UGT1A9: variants seen among roughly 807,000 people sequenced by gnomAD.
UGT1A9 encodes the protein UDP glucuronosyltransferase family 1 member A9, also known as UDP-glucuronosyltransferase 1A9.
In UGT1A9, 35 loss-of-function variants were observed where a neutral mutation model predicts 45.0. The ratio of observed to expected loss-of-function variants is 0.78; its 90% CI spans 0.59 to 1.03. The LOEUF (loss-of-function observed/expected upper bound fraction) is 1.03, where lower values mean the gene tolerates loss of function less well. UGT1A9 is among the 50% of genes least tolerant of loss of function. The probability of loss-of-function intolerance (pLI) is 0.00; values close to 1 mark genes in which losing one functional copy is unlikely to be tolerated. For synonymous variants in UGT1A9, 278 were observed against 250.6 expected (o/e 1.11, Z -1.03); for missense variants, 687 against 666.6 (o/e 1.03, Z -0.34).
Position 233,672,340 on chromosome 2 carries a change from T to C in UGT1A9, c.406T>C (p.Tyr136His). 2 of 1,614,168 alleles carry C rather than the reference T, an allele frequency of 1.2e-6. No individual in the cohort carries two copies. The highest frequency in any genetic ancestry group is 1.7e-6 in the Non-Finnish European group (2 of 1,180,006). Residue 136 changes from tyrosine (Y) to histidine (H), a missense_variant, in exon 1 of 5, where the codon TAC becomes CAC. By Grantham distance (83) the Tyr-to-His change is moderately conservative. Coordinates refer to ENST00000354728, the MANE Select transcript of UGT1A9 (RefSeq NM_021027.3). ...GTTTAAAGACAAAAAATTAGTAGAA[T>C]ACTTAAAGGAGAGTTCTTTTGATGC... The part of the protein sequence containing the change: ...SLFKDKKLVE[Y>H]LKESSFDAVF...
intron 1 of UGT1A9, among the ~76,000 whole-genome samples, chr2:233,764,833 G>C (rs1171416505): frequency 3.9e-5 from 6 of 151,966 alleles, no homozygotes; most frequent in African/African-American, 1.2e-4. Flanking sequence ...TGGTGGTGGG[G>C]AGGATGACTC....
At chr2:233,683,675 C>A (rs2074645965) in intron 1 of UGT1A9, among the ~76,000 whole-genome samples, 1 of 152,072 alleles carries the variant, frequency 6.6e-6, no homozygotes, top group Admixed American at 6.5e-5. Flanking sequence ...TTCTTATTAA[C>A]CTTTATTCCT....
chr2:233,745,241 G>A (rs1693049313), intron 1 of UGT1A9, among the ~76,000 whole-genome samples: 1 of 151,840 alleles, frequency 6.6e-6, no homozygotes, highest in African/African-American at 2.4e-5. Flanking sequence ...ACTATTTACT[G>A]TATCGAAACC....
chr2:233,728,121 T>C (rs1274585713), intron 1 of UGT1A9, among the ~76,000 whole-genome samples: 1 of 152,216 alleles, frequency 6.6e-6, no homozygotes, highest in East Asian at 1.9e-4. Flanking sequence ...ATCTTGAAAT[T>C]TGGACTAGGG....
At position 233,772,309 on chromosome 2, in the gene UGT1A9, CGGTG is replaced by C. The variant is rs768601491; in HGVS notation, c.1345_1348del (p.Val449SerfsTer13). On this transcript the variant is annotated frameshift_variant, in exon 5 of 5. Transcript: ENST00000354728. LOFTEE classifies it high-confidence loss of function. ...CTCTCCAGCCTTCACAAGGACCGCCCGGTGGAGCCGCTGGACCTGGCCGTGTTCT... is the reference window on the plus strand; with the variant it reads ...CTCTCCAGCCTTCACAAGGACCGCCCGAGCCGCTGGACCTGGCCGTGTTCT... 1.9e-6 allele frequency: 3 copies of C among 1,614,206 alleles called. No individual in the cohort carries two copies. The highest frequency in any genetic ancestry group is 2.5e-6 in the Non-Finnish European group (3 of 1,180,052).
intron 1 of UGT1A9, among the ~76,000 whole-genome samples, chr2:233,685,636 G>A (rs931333739): frequency 3.3e-5 from 5 of 152,138 alleles, no homozygotes; most frequent in Non-Finnish European, 4.4e-5. Context: ...CAAAGTTTTC[G>A]AACATATACC....
At chr2:233,771,833 T>G (rs1411315562) in intron 4 of UGT1A9, among the ~76,000 whole-genome samples, 1 of 137,650 alleles carries the variant, frequency 7.3e-6, no homozygotes, top group Non-Finnish European at 1.6e-5. Flanking sequence ...CCTTCCCTCC[T>G]TCTCTTCCTT....
chr2:233,769,543 G>A lies in UGT1A9; in HGVS notation c.1295+1104G>A, dbSNP rs750789040. The A allele has an allele frequency of 1.2e-6, 2 of 1,612,968 alleles. No individual in the cohort carries two copies. The highest frequency in any genetic ancestry group is 1.7e-6 in the Non-Finnish European group (2 of 1,179,890). On this transcript the variant is annotated intron_variant, in intron 4 of 4. Transcript: ENST00000354728. The surrounding 1 kb of genome is among the most constrained non-coding windows in gnomAD (Gnocchi z 4.4). The stretch of plus-strand genomic sequence containing the variant: ...TTACCTCCTTTAGAAAGAAGCAGCA[G>A]TCAGGAAGACAGATGTGAAGAGCTG...
chr2:233,755,783 C>G (rs142854795), intron 1 of UGT1A9: 1,687 of 152,656 alleles, frequency 0.011, 25 homozygotes, highest in Non-Finnish European at 0.017. Flanking sequence ...TTATGCCTAT[C>G]ATATGTACTG....
intron 1 of UGT1A9, chr2:233,690,956 C>A (rs1575444725): frequency 4.0e-6 from 4 of 1,008,150 alleles, no homozygotes; most frequent in African/African-American, 3.5e-5. Flanking sequence ...TCTGTAGGGA[C>A]TTCTGGGACT....
chr2:233,728,301 G>T (rs1339327162), intron 1 of UGT1A9, among the ~76,000 whole-genome samples: 6 of 152,216 alleles, frequency 3.9e-5, no homozygotes, highest in Non-Finnish European at 8.8e-5. Context: ...AATTCAGACT[G>T]TGCAAGATCT....
chr2:233,744,852 T>C (rs17864703), intron 1 of UGT1A9, among the ~76,000 whole-genome samples: 15 of 152,070 alleles, frequency 9.9e-5, no homozygotes, highest in Non-Finnish European at 1.3e-4. Flanking sequence ...AGAGTAGTCC[T>C]TGGTATTCTG....
At chr2:233,734,900 C>T (rs1027588472) in intron 1 of UGT1A9, among the ~76,000 whole-genome samples, 1 of 152,158 alleles carries the variant, frequency 6.6e-6, no homozygotes, top group Admixed American at 6.5e-5. Flanking sequence ...GATTTCTATT[C>T]TTTTACATTT....
intron 1 of UGT1A9, among the ~76,000 whole-genome samples, chr2:233,688,855 T>C (rs748777417): frequency 1.3e-5 from 2 of 152,044 alleles, no homozygotes; most frequent in African/African-American, 4.8e-5. Context: ...GAGCTGATCA[T>C]AGGGGGCCTT....
chr2:233,731,351 A>G (rs2078148084), intron 1 of UGT1A9, among the ~76,000 whole-genome samples: 1 of 151,002 alleles, frequency 6.6e-6, no homozygotes, highest in African/African-American at 2.4e-5. Flanking sequence ...TTTGATACAT[A>G]GGTATACATG....
intron 1 of UGT1A9, chr2:233,718,636 G>T: frequency 6.8e-7 from 1 of 1,465,760 alleles, no homozygotes; most frequent in Non-Finnish European, 9.1e-7. Context: ...CTTTCCCAGG[G>T]TTGGGCCCAT....
At chr2:233,726,844 C>T (rs1432960908) in intron 1 of UGT1A9, among the ~76,000 whole-genome samples, 1 of 152,154 alleles carries the variant, frequency 6.6e-6, no homozygotes, top group Admixed American at 6.5e-5. Flanking sequence ...AATTTTTGTT[C>T]CTTTTCTCCA....
intron 4 of UGT1A9, chr2:233,771,560 G>A (rs1700329109): frequency 6.6e-6 from 1 of 152,164 alleles, no homozygotes; most frequent in South Asian, 2.1e-4. Flanking sequence ...TGTTAATTTG[G>A]CCAGAGGTGG....
At chr2:233,760,776 C>G in intron 1 of UGT1A9, 1 of 1,613,940 alleles carries the variant, frequency 6.2e-7, no homozygotes, top group Non-Finnish European at 8.5e-7. Context: ...TGGCCCAGTA[C>G]CTGTCTCTGC....
Sources: gnomAD v4.1 joint callset for allele counts (sites outside exome capture counted in the v4.1 genomes callset) on GRCh38, gnomAD v4.1.1 for gene constraint, Gnocchi (gnomAD v3.1) non-coding constraint, MANE v1.5 for transcripts, NCBI Gene and HGNC (gene_info 2026-07-23, HGNC 2026-07-21) for gene names.